The following ANKRD17 variants were observed in gnomAD, a reference collection of about 807,000 sequenced individuals.
ANKRD17 encodes ankyrin repeat domain-containing protein 17.
Under a neutral mutation model 229.7 loss-of-function variants are expected in ANKRD17, and 19 were observed. That is an observed-to-expected ratio of 0.08 (90% CI 0.06 to 0.12). The LOEUF (loss-of-function observed/expected upper bound fraction) is 0.12. Ranked by LOEUF, ANKRD17 falls within the 10% of genes least tolerant of loss-of-function variation. The pLI is 1.00. For missense variants in ANKRD17, 2,176 were observed against 3,176.8 expected (o/e 0.68, Z 7.57); for synonymous variants, 1,112 against 1,146.1 (o/e 0.97, Z 0.60).
At chr4:73,085,687 A>C (rs1722045454) in intron 29 of ANKRD17, among the ~76,000 whole-genome samples, 1 of 151,142 alleles carries the variant, frequency 6.6e-6, no homozygotes, top group South Asian at 2.1e-4. Flanking sequence ...CACCTCAAAA[A>C]AAAAAAAAAA....
chr4:73,094,232 T>C lies in ANKRD17; in HGVS notation c.5178-4A>G. On this transcript the variant is annotated splice_polypyrimidine_tract_variant and splice_region_variant and intron_variant, in intron 27 of 33. Coordinates refer to ENST00000358602, the MANE Select transcript of ANKRD17 (RefSeq NM_032217.5). ...TGGAACAGATACTTTCTTTGACCTG[T>C]TTAAAAGTTGTATATATAAATTAAG... is the stretch of plus-strand genomic sequence containing the variant. 6.2e-7 allele frequency: 1 copy of C among 1,610,782 alleles called. No homozygotes were observed. Among genetic ancestry groups the C allele is most frequent in the Non-Finnish European group, 8.5e-7 (1 of 1,177,962 alleles).
intron 2 of ANKRD17, among the ~76,000 whole-genome samples, chr4:73,174,794 ACAAAT>A (rs1267034823): frequency 3.3e-5 from 5 of 152,232 alleles, no homozygotes; most frequent in Non-Finnish European, 1.5e-5. Flanking sequence ...AATCTGAAAA[ACAAAT>A]CAAGAAACTA....
At chr4:73,100,865 A>C (rs1237253113) in intron 25 of ANKRD17, 6 of 985,278 alleles carry the variant, frequency 6.1e-6, no homozygotes. Context: ...CACACATTGC[A>C]TGCACATATT....
chr4:73,218,891 T>C (rs1741474728), intron 1 of ANKRD17, among the ~76,000 whole-genome samples: 1 of 152,032 alleles, frequency 6.6e-6, no homozygotes, highest in Admixed American at 6.6e-5. Flanking sequence ...TGAAACCCCG[T>C]CTCTACTAAC....
At chr4:73,095,003 T>G (rs1723149383) in intron 27 of ANKRD17, among the ~76,000 whole-genome samples, 1 of 151,574 alleles carries the variant, frequency 6.6e-6, no homozygotes, top group African/African-American at 2.4e-5. Flanking sequence ...AAATCCTGTC[T>G]CTACTGAAAA....
At chr4:73,108,781 C>T (rs1724947777) in intron 24 of ANKRD17, among the ~76,000 whole-genome samples, 1 of 151,880 alleles carries the variant, frequency 6.6e-6, no homozygotes, top group Non-Finnish European at 1.5e-5. Context: ...ATCTTTACCG[C>T]AAAGGGAGGC....
At chr4:73,129,368 A>G (rs1727886247) in intron 16 of ANKRD17, among the ~76,000 whole-genome samples, 1 of 152,248 alleles carries the variant, frequency 6.6e-6, no homozygotes, top group Admixed American at 6.5e-5. Context: ...ATACTGAAGG[A>G]AAGACAACTT....
At chr4:73,187,839 C>A (rs1372244135) in intron 1 of ANKRD17, among the ~76,000 whole-genome samples, 1 of 152,118 alleles carries the variant, frequency 6.6e-6, no homozygotes, top group Non-Finnish European at 1.5e-5. Context: ...AGCCAGGATT[C>A]AAATGAAATA....
intron 1 of ANKRD17, among the ~76,000 whole-genome samples, chr4:73,178,331 T>C (rs1404626857): frequency 1.3e-5 from 2 of 152,326 alleles, no homozygotes; most frequent in Non-Finnish European, 2.9e-5. Context: ...ACAAACACTA[T>C]ACTTTTTATA....
At chr4:73,108,898 C>T (rs1039726745) in intron 24 of ANKRD17, among the ~76,000 whole-genome samples, 1 of 152,032 alleles carries the variant, frequency 6.6e-6, no homozygotes, top group Non-Finnish European at 1.5e-5. Flanking sequence ...GAGAATGATT[C>T]AAGAGAGGGA....
In ANKRD17 at chr4:73,073,480, TAGG is replaced by T. The variant is rs1720838109; in HGVS notation, c.*2748_*2750del. 6.6e-6 allele frequency: 1 copy of T among 152,056 alleles called. No homozygotes were observed. The highest frequency in any genetic ancestry group is 2.1e-4 in the South Asian group (1 of 4,834). The allele number at this position is 152,056 out of a possible 1,614,324, so 9.4% of individuals were successfully genotyped here. A position where few individuals can be genotyped will look rare whatever the true frequency, so the allele number is the denominator to read the frequency against. On this transcript the variant is annotated 3_prime_UTR_variant, in exon 34 of 34. Transcript: ENST00000358602. ...TGTACTGTTTTAAAAATAAGTAATA[TAGG>T]GTACAAAATTTTTACAAAATGTGTA...
intron 2 of ANKRD17, among the ~76,000 whole-genome samples, chr4:73,163,890 T>C (rs1202680043): frequency 6.6e-6 from 1 of 152,174 alleles, no homozygotes; most frequent in South Asian, 2.1e-4. Context: ...AAATGTTATA[T>C]CTCACAAAAC....
chr4:73,134,559 A>G (rs1218695500), intron 16 of ANKRD17, among the ~76,000 whole-genome samples: 1 of 152,154 alleles, frequency 6.6e-6, no homozygotes, highest in Non-Finnish European at 1.5e-5. Context: ...CAAACTTTCT[A>G]AAGCTTAACT....
Position 73,136,980 on chromosome 4 carries a change from GTTT to G in ANKRD17, c.3086-1718_3086-1716del, listed in dbSNP as rs33966935. On this transcript the variant is annotated intron_variant, in intron 15 of 33. Coordinates refer to ENST00000358602, the MANE Select transcript of ANKRD17 (RefSeq NM_032217.5). ...TTAAAGAACCTACCAAAATTACAGA[GTTT>G]TTTTTTTTTTTTTTTTTAAGTCAAA... 5.6e-4 allele frequency among the ~76,000 whole-genome samples: 74 copies of G among 131,202 alleles called. 1 individual carries two copies. Among genetic ancestry groups the G allele is most frequent in the African/African-American group, 1.7e-3 (60 of 34,298 alleles). 86.1% of individuals were successfully genotyped at this position (131,202 alleles called of 152,430 possible).
Position 73,186,616 on chromosome 4 carries a change from T to C in ANKRD17, c.394-9083A>G, listed in dbSNP as rs145837182. Among the ~76,000 whole-genome samples the C allele has an allele frequency of 4.4e-3, 677 of 152,304 alleles. 3 individuals are homozygous for C. Among genetic ancestry groups the C allele is most frequent in the Non-Finnish European group, 5.5e-3 (372 of 67,980 alleles). On this transcript the variant is annotated intron_variant, in intron 1 of 33. Transcript: ENST00000358602. The stretch of plus-strand genomic sequence containing the variant: ...TGTTCTATAGCACTTTCGTAAAACG[T>C]GACTTCTTATGCTTCAAACTGCTAT...
chr4:73,142,702 C>T lies in ANKRD17; in HGVS notation c.2023G>A (p.Gly675Ser), dbSNP rs556786324. The part of the protein sequence containing the change: ...HTVLSLACAG[G>S]HLAVVELLLA... ...AGTAGTTCCACCACTGCCAGATGAC[C>T]CCCTGCACAAGCCAGGGACAGTACA... Residue 675 changes from glycine (G) to serine (S), a missense_variant, in exon 12 of 34, where the codon GGT (glycine) becomes AGT (serine). Physicochemically the swap from Gly to Ser is moderately conservative, Grantham distance 56 (BLOSUM62 0). Transcript: ENST00000358602. 1.2e-6 allele frequency: 2 copies of T among 1,614,010 alleles called. No individual in the cohort carries two copies. Among genetic ancestry groups the T allele is most frequent in the South Asian group, 2.2e-5 (2 of 91,072 alleles).
chr4:73,203,394 A>G (rs1030531241), intron 1 of ANKRD17, among the ~76,000 whole-genome samples: 1 of 152,208 alleles, frequency 6.6e-6, no homozygotes, highest in African/African-American at 2.4e-5. Context: ...TTTTAGGACA[A>G]TATCAAAATA....
intron 1 of ANKRD17, among the ~76,000 whole-genome samples, chr4:73,236,232 T>C (rs564956186): frequency 6.6e-6 from 1 of 151,856 alleles, no homozygotes; most frequent in Non-Finnish European, 1.5e-5. Context: ...TCATTGCCAC[T>C]GTAACCTTAA....
chr4:73,086,950 ATATC>A (rs1197096709), intron 29 of ANKRD17, among the ~76,000 whole-genome samples: 1 of 94,192 alleles, frequency 1.1e-5, no homozygotes, highest in Admixed American at 1.2e-4. Context: ...ATATATATAT[ATATC>A]TGTAGGATTT....
Sources: allele counts gnomAD v4.1 joint callset (sites outside exome capture counted in the v4.1 genomes callset), GRCh38; gene constraint gnomAD v4.1.1; transcripts MANE v1.5; gene names NCBI Gene and HGNC (gene_info 2026-07-23, HGNC 2026-07-21).